Variants in CCM2 observed in about 807,000 individuals in gnomAD.
CCM2 encodes CCM2 scaffold protein.
In CCM2, 25 loss-of-function variants were observed where a neutral mutation model predicts 44.9. That is an observed-to-expected ratio of 0.56 (90% CI 0.41 to 0.78). CCM2 has a LOEUF of 0.78. CCM2 is among the 30% of genes least tolerant of loss of function. The pLI is 0.00. For missense variants in CCM2, 481 were observed against 580.6 expected (o/e 0.83, Z 1.76); for synonymous variants, 219 against 241.1 (o/e 0.91, Z 0.85).
At chr7:45,014,199 G>A (rs1796171263) in intron 1 of CCM2, among the ~76,000 whole-genome samples, 1 of 152,040 alleles carries the variant, frequency 6.6e-6, no homozygotes, top group Non-Finnish European at 1.5e-5. Context: ...GAGTGCAGTG[G>A]CACAATCTTG....
Position 45,037,824 on chromosome 7 carries a change from G to A in CCM2, c.31-429G>A, listed in dbSNP as rs117185530. Among the ~76,000 whole-genome samples, 768 of 152,298 alleles carry A rather than the reference G, an allele frequency of 5.0e-3. 2 individuals carry two copies. Among genetic ancestry groups the A allele is most frequent in the Non-Finnish European group, 8.5e-3 (575 of 68,032 alleles). On this transcript the variant is annotated intron_variant, in intron 1 of 9. Coordinates refer to ENST00000258781, the MANE Select transcript of CCM2 (RefSeq NM_031443.4). ...TGCATAAAAAACATATGCTCCACTT[G>A]TTGATGCTAGCACTGGCCACACCTT...
At chr7:45,059,623 CGT>C (rs1202725337) in intron 2 of CCM2, among the ~76,000 whole-genome samples, 1 of 151,896 alleles carries the variant, frequency 6.6e-6, no homozygotes, top group Admixed American at 6.6e-5. Flanking sequence ...GTGGCATGTG[CGT>C]GTAGTCTCAT....
chr7:45,025,342 A>G lies in CCM2; in HGVS notation c.31-12911A>G, dbSNP rs916030099. Among the ~76,000 whole-genome samples the G allele has an allele frequency of 6.6e-5, 10 of 152,270 alleles. No homozygotes were observed. In the East Asian group the frequency reaches 1.4e-3, roughly 21 times the overall value. On this transcript the variant is annotated intron_variant, in intron 1 of 9. Transcript: ENST00000258781. ...GATTCCCTTTATCGAATTGGTGGCA[A>G]ATGTTCATCTGTAAAACATTTGCAG...
At chr7:45,044,102 T>A (rs1797640361) in intron 2 of CCM2, among the ~76,000 whole-genome samples, 1 of 152,160 alleles carries the variant, frequency 6.6e-6, no homozygotes, top group African/African-American at 2.4e-5. Flanking sequence ...TTTTTTCCAT[T>A]CCCTCCAGAA....
chr7:45,054,317 T>A (rs1460820158), intron 2 of CCM2, among the ~76,000 whole-genome samples: 2 of 152,060 alleles, frequency 1.3e-5, no homozygotes, highest in East Asian at 3.9e-4. Flanking sequence ...AGGCACAGTG[T>A]TAAGAAGAAT....
intron 8 of CCM2, 165 bp downstream of exon 8, chr7:45,073,736 GGGATAGTCTA>G (rs1453398703): frequency 1.6e-6 from 1 of 614,530 alleles, no homozygotes; most frequent in Admixed American, 2.6e-5. Flanking sequence ...CCTTTTCCTG[GGGATAGTCTA>G]GGAGAGCATC....
intron 2 of CCM2, among the ~76,000 whole-genome samples, chr7:45,044,921 C>CT (rs1178549960): frequency 6.6e-6 from 1 of 152,130 alleles, no homozygotes; most frequent in Non-Finnish European, 1.5e-5. Context: ...TAACTAAACT[C>CT]TAACCGATCC....
chr7:45,071,108 G>A (rs538577432), intron 6 of CCM2: 2 of 152,390 alleles, frequency 1.3e-5, no homozygotes, highest in East Asian at 3.9e-4. Context: ...GGCCCAGCGA[G>A]ATAGGTGCAA....
At chr7:45,028,685 G>A (rs143692489) in intron 1 of CCM2, among the ~76,000 whole-genome samples, 159 of 151,880 alleles carry the variant, frequency 1.0e-3, no homozygotes, top group African/African-American at 3.4e-3. Flanking sequence ...GAAATTAGCC[G>A]TGTCCTGAGA....
intron 2 of CCM2, among the ~76,000 whole-genome samples, chr7:45,059,832 A>G (rs1200366922): frequency 6.6e-6 from 1 of 152,214 alleles, no homozygotes; most frequent in Non-Finnish European, 1.5e-5. Context: ...CCACTTTCAA[A>G]TAATGCTGTG....
At chr7:45,023,723 CTTTT>C (rs368536421) in intron 1 of CCM2, among the ~76,000 whole-genome samples, 3 of 77,930 alleles carry the variant, frequency 3.8e-5, no homozygotes, top group Non-Finnish European at 5.0e-5. Context: ...ACTGGGAAAT[CTTTT>C]TTTTTTTTTT....
intron 4 of CCM2, among the ~76,000 whole-genome samples, chr7:45,065,438 A>C (rs1242248721): frequency 6.6e-6 from 1 of 152,170 alleles, no homozygotes; most frequent in East Asian, 1.9e-4. Context: ...TCATTTCCAG[A>C]GGGCCAGTGG....
chr7:45,037,457 G>A (rs552387754), intron 1 of CCM2, among the ~76,000 whole-genome samples: 28 of 120,864 alleles, frequency 2.3e-4, no homozygotes, highest in African/African-American at 8.9e-4. Flanking sequence ...ATCTTGCTCT[G>A]TTGCCCAGGC....
rs938644270 is a variant in CCM2, at chr7:45,015,244, C to T, written c.30+14881C>T. Among the ~76,000 whole-genome samples, 5 of 152,158 alleles carry T rather than the reference C, an allele frequency of 3.3e-5. 1 individual carries two copies. The highest frequency in any genetic ancestry group is 5.9e-5 in the Non-Finnish European group (4 of 68,032). On this transcript the variant is annotated intron_variant, in intron 1 of 9. Transcript: ENST00000258781. ...CACAGAATTTATTCCAGTCATACCC[C>T]TTTCCACATTTATACCTTGCTTTTC...
intron 2 of CCM2, among the ~76,000 whole-genome samples, chr7:45,040,127 G>A (rs2128730466): frequency 6.6e-6 from 1 of 152,288 alleles, no homozygotes; most frequent in Non-Finnish European, 1.5e-5. Flanking sequence ...AGGTGCTGTG[G>A]CTCATGCCTG....
intron 4 of CCM2, among the ~76,000 whole-genome samples, chr7:45,067,052 C>G (rs1221993558): frequency 1.3e-5 from 2 of 152,128 alleles, no homozygotes; most frequent in African/African-American, 4.8e-5. Context: ...AGGCTCCTGC[C>G]ACCACGCCTG....
chr7:45,030,027 C>T (rs1250333482), intron 1 of CCM2, among the ~76,000 whole-genome samples: 1 of 152,204 alleles, frequency 6.6e-6, no homozygotes, highest in Admixed American at 6.5e-5. Context: ...TGCATGGTGA[C>T]TCAGAGCCCT....
intron 8 of CCM2, 67 bp from the exon 9 acceptor site, chr7:45,074,203 A>G: frequency 6.2e-7 from 1 of 1,608,906 alleles, no homozygotes; most frequent in Non-Finnish European, 8.5e-7. Flanking sequence ...GGCTGTGGCA[A>G]GGTGGGCCCG....
chr7:45,009,647 G>T (rs896448065), intron 1 of CCM2, among the ~76,000 whole-genome samples: 1 of 151,868 alleles, frequency 6.6e-6, no homozygotes, highest in Non-Finnish European at 1.5e-5. Context: ...CAGATGATCC[G>T]CCCACCTCGG....
Sources: gnomAD v4.1 joint callset for allele counts (sites outside exome capture counted in the v4.1 genomes callset) on GRCh38, gnomAD v4.1.1 for gene constraint, MANE v1.5 for transcripts, NCBI Gene and HGNC (gene_info 2026-07-23, HGNC 2026-07-21) for gene names.